Variants in MUCL1 observed in about 807,000 individuals in gnomAD.
MUCL1 encodes the protein mucin-like protein 1.
A neutral mutation model predicts 9.2 loss-of-function variants in MUCL1; 11 were observed. The observed-to-expected ratio is 1.19, with a 90% confidence interval of 0.75 to 1.97. The LOEUF is 1.97. Ranked by LOEUF, MUCL1 falls within the 30% of genes most tolerant of loss-of-function variation. MUCL1 has a pLI of 0.00. For missense variants in MUCL1, 144 were observed against 110.9 expected (o/e 1.30, Z -1.34); for synonymous variants, 48 against 40.5 (o/e 1.19, Z -0.71).
chr12:54,837,775 A>G (rs536200161), upstream of MUCL1, among the ~76,000 whole-genome samples: 1 of 151,696 alleles, frequency 6.6e-6, no homozygotes, highest in South Asian at 2.1e-4. Flanking sequence ...TCTCCAAAAA[A>G]ACAAAAACAA....
chr12:54,847,128 C>G (rs1959268569), intron 1 of MUCL1, among the ~76,000 whole-genome samples: 1 of 152,200 alleles, frequency 6.6e-6, no homozygotes, highest in Non-Finnish European at 1.5e-5. Context: ...ATGAATTTGT[C>G]TTGCTTCTTT....
chr12:54,842,775 T>C lies in MUCL1; in HGVS notation c.43+3328T>C, dbSNP rs1053991204. Among the ~76,000 whole-genome samples, 39 of 152,304 alleles carry C rather than the reference T, an allele frequency of 2.6e-4. 1 individual carries two copies. Among genetic ancestry groups the C allele is most frequent in the African/African-American group, 9.1e-4 (38 of 41,570 alleles). Reference sequence around the variant, plus strand: ...TTATCTTTTCATAATTTCTTTCTATTCATCTTTTCTTTTTTTCTACTTCCT... The same window carrying C: ...TTATCTTTTCATAATTTCTTTCTATCCATCTTTTCTTTTTTTCTACTTCCT... On this transcript the variant is annotated intron_variant, in intron 1 of 3. Transcript: ENST00000546809.
intron 1 of MUCL1, among the ~76,000 whole-genome samples, chr12:54,841,545 G>A (rs951403501): frequency 1.1e-4 from 16 of 152,028 alleles, no homozygotes; most frequent in Non-Finnish European, 2.1e-4. Flanking sequence ...CCACTAGGTG[G>A]GAGGTGATAT....
At chr12:54,855,808 C>T (rs1284087191) in intron 2 of MUCL1, among the ~76,000 whole-genome samples, 5 of 152,242 alleles carry the variant, frequency 3.3e-5, no homozygotes, top group African/African-American at 9.6e-5. Flanking sequence ...CTTTATCCTT[C>T]GCATCTTGGG....
At chr12:54,843,438 A>T (rs1959222633) in intron 1 of MUCL1, among the ~76,000 whole-genome samples, 1 of 152,182 alleles carries the variant, frequency 6.6e-6, no homozygotes, top group African/African-American at 2.4e-5. Context: ...GGCCCCAAAG[A>T]TGGTCCACAT....
intron 2 of MUCL1, among the ~76,000 whole-genome samples, chr12:54,855,715 TC>T: frequency 6.6e-6 from 1 of 152,346 alleles, no homozygotes; most frequent in East Asian, 1.9e-4. Context: ...AAGCCTTTAG[TC>T]ATTCTTGGGC....
chr12:54,848,129 C>T (rs1959283421), intron 1 of MUCL1, among the ~76,000 whole-genome samples: 1 of 150,956 alleles, frequency 6.6e-6, no homozygotes, highest in African/African-American at 2.4e-5. Flanking sequence ...CCTTGATGAT[C>T]CCAGGCCACA....
intron 1 of MUCL1, among the ~76,000 whole-genome samples, chr12:54,846,829 A>G (rs1005381725): frequency 2.7e-5 from 4 of 146,774 alleles, no homozygotes; most frequent in African/African-American, 9.9e-5. Flanking sequence ...TGTGTGGGTA[A>G]CTTGTACTTT....
At position 54,858,353 on chromosome 12, in the gene MUCL1, A is replaced by G. The variant is rs1868316657; in HGVS notation, c.*111A>G. 3 of 1,310,368 alleles carry G rather than the reference A, an allele frequency of 2.3e-6. No homozygotes were observed. The highest frequency in any genetic ancestry group is 3.3e-6 in the Non-Finnish European group (3 of 920,138). 81.2% of individuals were successfully genotyped at this position (1,310,368 alleles called of 1,614,324 possible). A position where few individuals can be genotyped will look rare whatever the true frequency, so the allele number is the denominator to read the frequency against. On this transcript the variant is annotated 3_prime_UTR_variant, in exon 4 of 4. Transcript: ENST00000308796. ...TATCCCCTTTATCTCTAATCAGTTTATTTTCTTTCAAATAAAAAATAACTA... is the reference window on the plus strand; with the variant it reads ...TATCCCCTTTATCTCTAATCAGTTTGTTTTCTTTCAAATAAAAAATAACTA...
upstream of MUCL1, among the ~76,000 whole-genome samples, chr12:54,837,492 G>A (rs1199872739): frequency 6.6e-6 from 1 of 152,084 alleles, no homozygotes; most frequent in African/African-American, 2.4e-5. Flanking sequence ...TGGGCTGGGT[G>A]TGGTGGCTCA....
chr12:54,833,501 CAAATT>C (rs1424072425), intron 1 of MUCL1, among the ~76,000 whole-genome samples: 3 of 151,938 alleles, frequency 2.0e-5, no homozygotes, highest in Admixed American at 6.6e-5. Flanking sequence ...TTATGTCAAA[CAAATT>C]AGAGCACATT....
At chr12:54,854,665 A>C in intron 1 of MUCL1, 25 bp downstream of exon 1, 1 of 1,600,560 alleles carries the variant, frequency 6.2e-7, no homozygotes, top group Non-Finnish European at 8.6e-7. Flanking sequence ...TTACCTGAAC[A>C]TAAGTTTTGT....
chr12:54,851,443 T>C (rs1016694340), upstream of MUCL1, among the ~76,000 whole-genome samples: 2 of 152,142 alleles, frequency 1.3e-5, no homozygotes, highest in African/African-American at 4.8e-5. Context: ...AAAAGGCCTT[T>C]GACAAAATTC....
chr12:54,856,939 A>G (rs1235347084), intron 3 of MUCL1, 47 bp downstream of exon 3: 2 of 1,611,388 alleles, frequency 1.2e-6, no homozygotes, highest in Middle Eastern at 1.7e-4. Flanking sequence ...TGGCTCCTTG[A>G]TTCCTTGGGT....
chr12:54,842,948 T>G (rs997200340), intron 1 of MUCL1, among the ~76,000 whole-genome samples: 2 of 152,300 alleles, frequency 1.3e-5, no homozygotes, highest in African/African-American at 4.8e-5. Context: ...TTTCTATGTT[T>G]AGATACGTTT....
At chr12:54,844,395 G>A (rs1423704410) in intron 1 of MUCL1, among the ~76,000 whole-genome samples, 3 of 152,124 alleles carry the variant, frequency 2.0e-5, no homozygotes, top group Admixed American at 1.3e-4. Context: ...GGAGCTTCAT[G>A]CTTAACAGGG....
At chr12:54,842,734 C>T (rs1237515066) in intron 1 of MUCL1, among the ~76,000 whole-genome samples, 1 of 152,070 alleles carries the variant, frequency 6.6e-6, no homozygotes, top group East Asian at 1.9e-4. Context: ...AATACAATTG[C>T]TTCAACTATA....
upstream of MUCL1, chr12:54,839,279 G>A: frequency 1.2e-5 from 8 of 679,332 alleles, no homozygotes; most frequent in South Asian, 1.3e-4. Flanking sequence ...GTGAGCAGGT[G>A]GGATTGGAAT....
intron 1 of MUCL1, among the ~76,000 whole-genome samples, chr12:54,847,981 C>T (rs556221020): frequency 6.6e-6 from 1 of 151,672 alleles, no homozygotes; most frequent in Non-Finnish European, 1.5e-5. Flanking sequence ...AACAGCAAAT[C>T]CTGTTTCATC....
Sources: allele counts gnomAD v4.1 joint callset (sites outside exome capture counted in the v4.1 genomes callset), GRCh38; gene constraint gnomAD v4.1.1; transcripts MANE v1.5; gene names NCBI Gene and HGNC (gene_info 2026-07-23, HGNC 2026-07-21).